WDFY4: variants seen among roughly 807,000 people sequenced by gnomAD.
WDFY4 encodes WDFY family member 4.
In WDFY4, 169 loss-of-function variants were observed where a neutral mutation model predicts 351.9. The observed-to-expected ratio is 0.48, with a 90% CI of 0.42 to 0.55. The LOEUF (loss-of-function observed/expected upper bound fraction) is 0.55, where lower values mean the gene tolerates loss of function less well. WDFY4 is among the 20% of genes least tolerant of loss of function. The pLI is 0.00. For missense variants in WDFY4, 3,803 were observed against 3,935.6 expected, an observed-to-expected ratio of 0.97 and a Z score of 0.90; for synonymous variants, 1,622 against 1,574.6, an observed-to-expected ratio of 1.03 and a Z score of -0.71.
chr10:48,948,512 A>C lies in WDFY4; in HGVS notation c.7977+1543A>C, dbSNP rs1195606748. On this transcript the variant is annotated intron_variant, in intron 51 of 61. Transcript: ENST00000325239. ...CCTTCAGGAGGCTGCATTATAACCC[A>C]AAACCCCAGCTCTACCTGTTGCTAA... is the stretch of plus-strand genomic sequence containing the variant. Among the ~76,000 whole-genome samples, 6 of 152,234 alleles carry C rather than the reference A, an allele frequency of 3.9e-5. No individual in the cohort carries two copies. In the South Asian group the frequency reaches 1.2e-3, roughly 32 times the overall value.
chr10:48,949,211 G>A (rs1841199863), intron 51 of WDFY4, among the ~76,000 whole-genome samples: 2 of 152,134 alleles, frequency 1.3e-5, no homozygotes, highest in South Asian at 2.1e-4. Flanking sequence ...GAGTCATCTG[G>A]GCTGTCTCTA....
chr10:48,863,378 T>C (rs949237924), intron 39 of WDFY4, among the ~76,000 whole-genome samples: 2 of 152,224 alleles, frequency 1.3e-5, no homozygotes, highest in African/African-American at 2.4e-5. Context: ...GTTTTGATTC[T>C]AACCATCCTA....
Position 48,822,360 on chromosome 10 carries a change from C to T in WDFY4, c.5825-20C>T. The T allele has an allele frequency of 2.6e-6, 4 of 1,522,854 alleles. No individual in the cohort carries two copies. The highest frequency in any genetic ancestry group is 2.7e-6 in the Non-Finnish European group (3 of 1,131,894). 94.3% of individuals were successfully genotyped at this position (1,522,854 alleles called of 1,614,324 possible). A position where few individuals can be genotyped will look rare whatever the true frequency, so the allele number is the denominator to read the frequency against. ...AAGTCCATTTAGACTCTCACCTCCA[C>T]CTGTCCCCTCACTCCACAGACGGCA... On this transcript the variant is annotated intron_variant, in intron 34 of 61. Transcript: ENST00000325239.
intron 47 of WDFY4, among the ~76,000 whole-genome samples, chr10:48,905,175 C>A (rs1338458154): frequency 6.6e-6 from 1 of 152,160 alleles, no homozygotes; most frequent in Non-Finnish European, 1.5e-5. Flanking sequence ...GTCTTTTGTC[C>A]TCAGAATCTT....
chr10:48,929,601 C>G (rs1839867165), intron 47 of WDFY4, among the ~76,000 whole-genome samples: 1 of 152,246 alleles, frequency 6.6e-6, no homozygotes, highest in African/African-American at 2.4e-5. Flanking sequence ...CCCACCTAGT[C>G]TCATTGCTTT....
At chr10:48,924,010 C>T (rs1030162277) in intron 47 of WDFY4, among the ~76,000 whole-genome samples, 1 of 152,230 alleles carries the variant, frequency 6.6e-6, no homozygotes, top group Admixed American at 6.5e-5. Flanking sequence ...GAGGAAGCAG[C>T]ACGGAGCTGG....
At chr10:48,733,852 A>G (rs1455512196) in intron 9 of WDFY4, 79 bp from the exon 10 acceptor site, 1 of 1,255,992 alleles carries the variant, frequency 8.0e-7, no homozygotes, top group Non-Finnish European at 1.1e-6. Flanking sequence ...CCTTAAGAGG[A>G]TAGAAAGCTG....
At chr10:48,838,531 C>A (rs1269081287) in intron 39 of WDFY4, among the ~76,000 whole-genome samples, 4 of 152,136 alleles carry the variant, frequency 2.6e-5, no homozygotes, top group Non-Finnish European at 5.9e-5. Flanking sequence ...ATGTTTTTGA[C>A]TATCCCCTCT....
At chr10:48,691,613 G>A (rs973294460) in intron 1 of WDFY4, among the ~76,000 whole-genome samples, 1 of 152,234 alleles carries the variant, frequency 6.6e-6, no homozygotes, top group Non-Finnish European at 1.5e-5. Context: ...ACTTCCTGCT[G>A]CTGCCATCAC....
rs1057170724 is a variant in WDFY4 at position 48,867,165 on chromosome 10, G to A, written c.6664-100G>A. ...ATCCTGGGTGACAGAATGAGACTGT[G>A]TCTCAAAAAATAAAATAAAATAAAA... On this transcript the variant is annotated intron_variant, in intron 39 of 61. Transcript: ENST00000325239. 10 of 243,978 alleles carry A rather than the reference G, an allele frequency of 4.1e-5. No individual in the cohort carries two copies. In the African/African-American group the frequency reaches 5.6e-4, roughly 14 times the overall value. The allele number at this position is 243,978 out of a possible 1,614,324, so 15.1% of individuals were successfully genotyped here. A position where few individuals can be genotyped will look rare whatever the true frequency, so the allele number is the denominator to read the frequency against.
At chr10:48,882,228 G>A (rs1375026964) in intron 43 of WDFY4, among the ~76,000 whole-genome samples, 1 of 152,142 alleles carries the variant, frequency 6.6e-6, no homozygotes, top group Non-Finnish European at 1.5e-5. Flanking sequence ...GGGTGGGGAG[G>A]GTCTTGACTG....
intron 43 of WDFY4, among the ~76,000 whole-genome samples, chr10:48,882,201 TG>T (rs986033246): frequency 2.8e-4 from 43 of 151,888 alleles, no homozygotes; most frequent in African/African-American, 9.9e-4. Context: ...ACCTGGGTCT[TG>T]GGGGAGCCTG....
rs749200628 is a variant in WDFY4 at position 48,832,692 on chromosome 10, C to A, written c.6646C>A (p.Pro2216Thr). 88 of 1,548,634 alleles carry A rather than the reference C, an allele frequency of 5.7e-5. No homozygotes were observed. Among genetic ancestry groups the A allele is most frequent in the Non-Finnish European group, 7.6e-5 (87 of 1,145,358 alleles). ...KLMPGRQAKD[P>T]ECKTEDFVSC... ...GATGCCCGGGCGGCAGGCCAAGGAC[C>A]CTGAGTGCAAGACAGAGGTGAGCCC... Residue 2216 changes from proline (P) to threonine (T), a missense_variant, in exon 39 of 62, where the codon CCT becomes ACT. Around this residue, in one of 3 missense-constraint regions of WDFY4, gnomAD observed 3,054 missense variants for 3,148.6 expected, o/e 0.97. Coordinates refer to ENST00000325239, the MANE Select transcript of WDFY4 (RefSeq NM_001394531.1).
chr10:48,822,394 C>G lies in WDFY4; in HGVS notation c.5839C>G (p.Gln1947Glu). ...TCACTCCACAGACGGCAAAGAGCCTCAGCCAAGTGCAGAAGCTGCTGCTGC... is the reference window on the plus strand; with the variant it reads ...TCACTCCACAGACGGCAAAGAGCCTGAGCCAAGTGCAGAAGCTGCTGCTGC... ...AAMFRDGKEP[Q>E]PSAEAAAAPS... Residue 1947 changes from glutamine to glutamate, a missense_variant, in exon 35 of 62, where the codon CAG becomes GAG. Gln to Glu is a conservative substitution (Grantham distance 29). Around this residue, in one of 3 missense-constraint regions of WDFY4, gnomAD observed 3,054 missense variants for 3,148.6 expected, o/e 0.97. Coordinates refer to ENST00000325239, the MANE Select transcript of WDFY4 (RefSeq NM_001394531.1). 6.5e-7 allele frequency: 1 copy of G among 1,546,914 alleles called. No individual in the cohort carries two copies. The highest frequency in any genetic ancestry group is 8.7e-7 in the Non-Finnish European group (1 of 1,144,476).
intron 11 of WDFY4, among the ~76,000 whole-genome samples, chr10:48,736,879 G>A (rs2064685285): frequency 6.6e-6 from 1 of 152,194 alleles, no homozygotes; most frequent in Admixed American, 6.5e-5. Context: ...GAAACACGGG[G>A]CACAAAGGGA....
At chr10:48,917,625 C>T (rs1472132682) in intron 47 of WDFY4, among the ~76,000 whole-genome samples, 2 of 152,296 alleles carry the variant, frequency 1.3e-5, no homozygotes, top group African/African-American at 4.8e-5. Context: ...GAACTATCAA[C>T]CCAGACTGTG....
At position 48,789,959 on chromosome 10, in the gene WDFY4, T is replaced by C. The variant is rs1412508914; in HGVS notation, c.4040T>C (p.Ile1347Thr). 7 of 1,552,240 alleles carry C rather than the reference T, an allele frequency of 4.5e-6. No individual in the cohort carries two copies. Among genetic ancestry groups the C allele is most frequent in the East Asian group, 2.4e-5 (1 of 40,940 alleles). Residue 1347 changes from isoleucine to threonine, a missense_variant, in exon 22 of 62, where the codon ATT becomes ACT. Physicochemically the swap from Ile to Thr is moderately conservative, Grantham distance 89 (BLOSUM62 -1). This residue lies in a region of WDFY4 where 3,054 missense variants were observed against 3,148.6 expected (regional missense o/e 0.97). Transcript: ENST00000325239. ...AGHLSGSLRT[I>T]GAVAVGQLGV... ...CACCTGTCAGGGTCTCTGCGGACCATTGGAGCTGTTGCTGTGGGTCAATTA... is the reference window on the plus strand; with the variant it reads ...CACCTGTCAGGGTCTCTGCGGACCACTGGAGCTGTTGCTGTGGGTCAATTA...
At position 48,775,748 on chromosome 10, in the gene WDFY4, G is replaced by A. The variant is rs17011197; in HGVS notation, c.2805G>A (p.Ser935=). 13,071 of 1,551,476 alleles carry A rather than the reference G, an allele frequency of 8.4e-3. 1,033 individuals are homozygous for A. In the African/African-American group the frequency reaches 0.16, roughly 19 times the overall value. ...GTCTTGGAATTCCCTCATCTCTGTC[G>A]GCCACAACAAAAATCCTTGATTCAT... ...FLGLGIPSSL[S]ATTKILDSSH... is the part of the protein sequence containing the mutation. Residue 935 remains serine (S), a synonymous_variant, in exon 15 of 62, where the codon TCG becomes TCA. Coordinates refer to ENST00000325239, the MANE Select transcript of WDFY4 (RefSeq NM_001394531.1).
chr10:48,950,122 C>T (rs1183020776), intron 51 of WDFY4, among the ~76,000 whole-genome samples: 1 of 152,160 alleles, frequency 6.6e-6, no homozygotes, highest in African/African-American at 2.4e-5. Context: ...CATGGTTGTG[C>T]AGCCATCGCC....
Sources: allele counts gnomAD v4.1 joint callset (sites outside exome capture counted in the v4.1 genomes callset), GRCh38; gene constraint gnomAD v4.1.1; regional missense constraint gnomAD v4.1.1; transcripts MANE v1.5; gene names NCBI Gene and HGNC (gene_info 2026-07-23, HGNC 2026-07-21).